Variants in MAF observed in about 807,000 individuals in gnomAD.
MAF encodes the protein MAF bZIP transcription factor, also known as transcription factor Maf.
A neutral mutation model predicts 22.0 loss-of-function variants in MAF; 10 were observed. The observed-to-expected ratio is 0.45, with a 90% CI of 0.28 to 0.77. The LOEUF is 0.77. Among genes scored for constraint, MAF ranks in the 30% least tolerant of loss-of-function variants. MAF has a pLI of 0.12. For missense variants in MAF, 544 were observed against 548.4 expected (o/e 0.99, Z 0.08); for synonymous variants, 337 against 255.8 (o/e 1.32, Z -3.03).
intron 1 of MAF, chr16:79,596,912 G>A: frequency 2.9e-6 from 3 of 1,049,660 alleles, no homozygotes; most frequent in Non-Finnish European, 3.5e-6. Flanking sequence ...TATGCTTGCA[G>A]GTTATATCTT....
chr16:79,467,768 C>G, the MAF span, among the ~76,000 whole-genome samples: 4 of 152,106 alleles, frequency 2.6e-5, no homozygotes, highest in Non-Finnish European at 4.4e-5. Context: ...GTTTGTGAAC[C>G]ACTGCTCTAA....
chr16:79,274,461 T>C, the MAF span, among the ~76,000 whole-genome samples: 29 of 152,192 alleles, frequency 1.9e-4, no homozygotes, highest in African/African-American at 6.7e-4. Context: ...CCAATGCAAA[T>C]GCACTAGGAG....
At chr16:79,428,241 G>A in the MAF span, among the ~76,000 whole-genome samples, 1 of 152,184 alleles carries the variant, frequency 6.6e-6, no homozygotes, top group Middle Eastern at 3.4e-3. Context: ...AAAGATGTAG[G>A]GGGGTTCCCA....
At chr16:79,224,861 G>C in the MAF span, among the ~76,000 whole-genome samples, 53 of 152,178 alleles carry the variant, frequency 3.5e-4, no homozygotes, top group Non-Finnish European at 6.8e-4. Context: ...GGAAATAAGA[G>C]AGGACACAAA....
the MAF span, among the ~76,000 whole-genome samples, chr16:79,330,892 A>T: frequency 6.6e-6 from 1 of 152,196 alleles, no homozygotes; most frequent in African/African-American, 2.4e-5. Flanking sequence ...TGACTCCAAA[A>T]TTCCCATCCC....
downstream of MAF, among the ~76,000 whole-genome samples, chr16:79,585,567 G>T (rs1385982181): frequency 1.3e-5 from 2 of 151,730 alleles, no homozygotes; most frequent in African/African-American, 2.4e-5. Flanking sequence ...TAAAGCTGAA[G>T]ATCTGAGATC....
the MAF span, among the ~76,000 whole-genome samples, chr16:79,316,949 C>T: frequency 1.1e-4 from 16 of 152,124 alleles, no homozygotes; most frequent in South Asian, 4.1e-4. Flanking sequence ...ATTCACCTAG[C>T]GAAGGTTCAT....
chr16:79,355,554 G>A, the MAF span, among the ~76,000 whole-genome samples: 23 of 152,354 alleles, frequency 1.5e-4, no homozygotes, highest in African/African-American at 5.3e-4. Flanking sequence ...GCCTCCCTGA[G>A]CCTCAGCCTC....
downstream of MAF, among the ~76,000 whole-genome samples, chr16:79,582,839 G>C (rs530097428): frequency 6.6e-6 from 1 of 152,170 alleles, no homozygotes; most frequent in Non-Finnish European, 1.5e-5. Context: ...CCCTTCTTGT[G>C]GGTGGGGGAT....
the MAF span, among the ~76,000 whole-genome samples, chr16:79,363,946 C>T: frequency 6.6e-5 from 10 of 152,156 alleles, no homozygotes; most frequent in Non-Finnish European, 1.0e-4. Context: ...GCTACCCATC[C>T]AGCCTGACTG....
the MAF span, among the ~76,000 whole-genome samples, chr16:79,505,401 C>T: frequency 1.3e-5 from 2 of 152,110 alleles, no homozygotes; most frequent in Non-Finnish European, 2.9e-5. Flanking sequence ...GTCCTTGTCC[C>T]TCAGTCACGG....
the MAF span, among the ~76,000 whole-genome samples, chr16:79,569,726 G>C: frequency 6.6e-6 from 1 of 152,134 alleles, no homozygotes; most frequent in Non-Finnish European, 1.5e-5. Flanking sequence ...TACCACCCCA[G>C]GATTATTTAA....
chr16:79,463,857 T>C, the MAF span, among the ~76,000 whole-genome samples: 178 of 152,200 alleles, frequency 1.2e-3, no homozygotes, highest in African/African-American at 4.0e-3. Context: ...TTAGTTGTTT[T>C]TTGCAGGTGT....
the MAF span, among the ~76,000 whole-genome samples, chr16:79,382,850 A>C: frequency 6.6e-6 from 1 of 152,256 alleles, no homozygotes; most frequent in African/African-American, 2.4e-5. Context: ...TGCACGAATT[A>C]GGTGATGGGA....
the MAF span, among the ~76,000 whole-genome samples, chr16:79,303,848 A>G: frequency 2.6e-5 from 4 of 152,210 alleles, no homozygotes; most frequent in Non-Finnish European, 5.9e-5. Flanking sequence ...AGGATCTATC[A>G]AAGACTCCTG....
chr16:79,488,131 G>A, the MAF span, among the ~76,000 whole-genome samples: 82 of 152,152 alleles, frequency 5.4e-4, no homozygotes, highest in African/African-American at 8.0e-4. Flanking sequence ...CTGCCACCAC[G>A]GATAACTCAT....
the MAF span, among the ~76,000 whole-genome samples, chr16:79,462,520 C>A: frequency 6.6e-6 from 1 of 152,202 alleles, no homozygotes; most frequent in East Asian, 1.9e-4. Flanking sequence ...TCTTTCTGGA[C>A]TCACCTCTTG....
At chr16:79,398,545 T>C in the MAF span, among the ~76,000 whole-genome samples, 1 of 152,096 alleles carries the variant, frequency 6.6e-6, no homozygotes, top group Non-Finnish European at 1.5e-5. Context: ...TGGAACCAGG[T>C]AGCAGAGACG....
the MAF span, among the ~76,000 whole-genome samples, chr16:79,392,677 G>C: frequency 6.6e-6 from 1 of 152,138 alleles, no homozygotes; most frequent in East Asian, 1.9e-4. Context: ...AGATTTGTTA[G>C]GAAGAGGGTG....
Sources: gnomAD v4.1 joint callset for allele counts (sites outside exome capture counted in the v4.1 genomes callset) on GRCh38, gnomAD v4.1.1 for gene constraint, MANE v1.5 for transcripts, NCBI Gene and HGNC (gene_info 2026-07-23, HGNC 2026-07-21) for gene names.